The following LMO7 variants were observed in gnomAD, a reference collection of about 807,000 sequenced individuals.
LMO7 encodes the protein LIM domain 7.
LMO7 carries 120 observed loss-of-function variants against 206.5 expected under a neutral mutation model. The ratio of observed to expected loss-of-function variants is 0.58; its 90% CI spans 0.50 to 0.68. The LOEUF (loss-of-function observed/expected upper bound fraction) is 0.68. Among genes scored for constraint, LMO7 ranks in the 30% least tolerant of loss-of-function variants. The probability of loss-of-function intolerance (pLI) is 0.00; values close to 1 mark genes in which losing one functional copy is unlikely to be tolerated. For synonymous variants in LMO7, 706 were observed against 681.5 expected (o/e 1.04, Z -0.56); for missense variants, 1,959 against 1,957.9 (o/e 1.00, Z -0.01).
intron 6 of LMO7, among the ~76,000 whole-genome samples, chr13:75,798,346 G>A (rs1342980792): frequency 3.9e-5 from 6 of 152,282 alleles, no homozygotes; most frequent in African/African-American, 4.8e-5. Context: ...GCAAAACTCC[G>A]TCTCAAAAAC....
chr13:75,731,227 G>T (rs1327303815), intron 3 of LMO7, among the ~76,000 whole-genome samples: 3 of 152,028 alleles, frequency 2.0e-5, no homozygotes, highest in Non-Finnish European at 4.4e-5. Context: ...TTGACAGTGG[G>T]GTGTTAAAGT....
intron 4 of LMO7, among the ~76,000 whole-genome samples, chr13:75,768,224 G>C (rs2139935310): frequency 1.3e-5 from 2 of 152,092 alleles, no homozygotes; most frequent in Non-Finnish European, 2.9e-5. Context: ...TCTGGCCTCT[G>C]GCTGCTTAAA....
Position 75,737,149 on chromosome 13 carries a change from G to T in LMO7, c.210+10051G>T, listed in dbSNP as rs1219238627. Reference sequence around the variant, plus strand: ...TAAGGAGGGCCCCTAATCTTAATATGACTGGTGTCCTTCTAAAAAGATGGC... The same window carrying T: ...TAAGGAGGGCCCCTAATCTTAATATTACTGGTGTCCTTCTAAAAAGATGGC... On this transcript the variant is annotated intron_variant, in intron 3 of 30. Coordinates refer to ENST00000377534, the MANE Select transcript of LMO7 (RefSeq NM_001306080.2). Among the ~76,000 whole-genome samples, 7 of 152,246 alleles carry T rather than the reference G, an allele frequency of 4.6e-5. 1 individual carries two copies. In the South Asian group the frequency reaches 1.2e-3, roughly 27 times the overall value.
At chr13:75,628,340 C>T (rs1053364035) in intron 2 of LMO7, 1 of 152,088 alleles carries the variant, frequency 6.6e-6, no homozygotes, top group Non-Finnish European at 1.5e-5. Context: ...ACATGTTTTC[C>T]CTCTTATGTT....
intron 15 of LMO7, among the ~76,000 whole-genome samples, chr13:75,827,672 A>G (rs568104314): frequency 6.6e-6 from 1 of 152,220 alleles, no homozygotes; most frequent in Admixed American, 6.5e-5. Context: ...TCTGCCATGC[A>G]GATGTGGTTT....
intron 14 of LMO7, among the ~76,000 whole-genome samples, chr13:75,821,826 C>T (rs539491374): frequency 2.1e-4 from 32 of 152,178 alleles, no homozygotes; most frequent in African/African-American, 7.0e-4. Flanking sequence ...GAAAGTAGGG[C>T]TGATACATTT....
intron 3 of LMO7, among the ~76,000 whole-genome samples, chr13:75,752,335 GTTA>G (rs2047340987): frequency 6.6e-6 from 1 of 151,834 alleles, no homozygotes; most frequent in Non-Finnish European, 1.5e-5. Flanking sequence ...TTCACCATGA[GTTA>G]TTCAGGCTGG....
intron 1 of LMO7, among the ~76,000 whole-genome samples, chr13:75,645,990 T>C (rs1245692191): frequency 6.6e-6 from 1 of 152,224 alleles, no homozygotes; most frequent in Non-Finnish European, 1.5e-5. Flanking sequence ...TAAATTTTAG[T>C]AACTACTTGA....
chr13:75,769,608 C>T (rs1594838360), intron 4 of LMO7, among the ~76,000 whole-genome samples: 1 of 152,050 alleles, frequency 6.6e-6, no homozygotes, highest in African/African-American at 2.4e-5. Context: ...TGAATCTCCA[C>T]ACTGTAGATA....
At chr13:75,816,917 G>GT (rs965974728) in intron 11 of LMO7, 38 of 299,454 alleles carry the variant, frequency 1.3e-4, no homozygotes, top group East Asian at 2.1e-4. Context: ...TTGTTTGTTT[G>GT]TTTTTTTTGA....
chr13:75,741,453 C>T (rs915355363), intron 3 of LMO7, among the ~76,000 whole-genome samples: 1 of 152,178 alleles, frequency 6.6e-6, no homozygotes, highest in African/African-American at 2.4e-5. Context: ...GGCCATTGTC[C>T]TTGATGAACA....
At chr13:75,790,939 G>C (rs1368061879) in intron 4 of LMO7, among the ~76,000 whole-genome samples, 1 of 139,676 alleles carries the variant, frequency 7.2e-6, no homozygotes, top group Non-Finnish European at 1.6e-5. Context: ...ACATACCCAA[G>C]ATAGGTATTT....
intron 1 of LMO7, among the ~76,000 whole-genome samples, chr13:75,700,819 G>A (rs1368294518): frequency 6.6e-6 from 1 of 152,186 alleles, no homozygotes; most frequent in African/African-American, 2.4e-5. Flanking sequence ...ATCACACTAT[G>A]CAAAACAATG....
At chr13:75,751,149 C>CTTTTTTTTTTTTT (rs57976279) in intron 3 of LMO7, among the ~76,000 whole-genome samples, 30 of 60,424 alleles carry the variant, frequency 5.0e-4, no homozygotes, top group African/African-American at 2.0e-3. Flanking sequence ...TTTTTCAGCT[C>CTTTTTTTTTTTTT]TTTTTTTTTT....
intron 3 of LMO7, among the ~76,000 whole-genome samples, chr13:75,741,617 C>T (rs2046418614): frequency 6.6e-6 from 1 of 152,154 alleles, no homozygotes; most frequent in African/African-American, 2.4e-5. Flanking sequence ...ATAAACAGAA[C>T]TAAAGGCAGA....
At chr13:75,830,464 A>G (rs1359599922) in intron 15 of LMO7, among the ~76,000 whole-genome samples, 1 of 152,220 alleles carries the variant, frequency 6.6e-6, no homozygotes, top group African/African-American at 2.4e-5. Flanking sequence ...AGGCTTTACC[A>G]GGCCCAGTGA....
intron 15 of LMO7, among the ~76,000 whole-genome samples, chr13:75,829,133 A>T (rs1251163113): frequency 6.6e-6 from 1 of 152,188 alleles, no homozygotes; most frequent in Non-Finnish European, 1.5e-5. Flanking sequence ...AAAAGCATGT[A>T]GTCAGAGAGG....
chr13:75,736,482 C>G (rs2045831810), intron 3 of LMO7, among the ~76,000 whole-genome samples: 1 of 152,188 alleles, frequency 6.6e-6, no homozygotes. Context: ...GTCTGACATG[C>G]AGATAGTCAA....
chr13:75,786,213 A>T (rs765033819), intron 4 of LMO7, among the ~76,000 whole-genome samples: 1 of 152,116 alleles, frequency 6.6e-6, no homozygotes, highest in East Asian at 1.9e-4. Context: ...AATGATTGAT[A>T]TAAAGTGTCT....
Sources: allele counts gnomAD v4.1 joint callset (sites outside exome capture counted in the v4.1 genomes callset), GRCh38; gene constraint gnomAD v4.1.1; transcripts MANE v1.5; gene names NCBI Gene and HGNC (gene_info 2026-07-23, HGNC 2026-07-21).